MCM4: variants seen among roughly 807,000 people sequenced by gnomAD.
The protein encoded by MCM4 is minichromosome maintenance complex component 4, also known as DNA replication licensing factor MCM4.
In MCM4, 60 loss-of-function variants were observed where a neutral mutation model predicts 88.7. That is an observed-to-expected ratio of 0.68 (90% confidence interval 0.55 to 0.84). The LOEUF (loss-of-function observed/expected upper bound fraction) is 0.84, where lower values mean the gene tolerates loss of function less well. Among genes scored for constraint, MCM4 ranks in the 40% least tolerant of loss-of-function variants. The pLI, the probability that MCM4 is intolerant of heterozygous loss-of-function variation, is 0.00. For synonymous variants in MCM4, 465 were observed against 410.5 expected (o/e 1.13, Z -1.61); for missense variants, 1,149 against 1,105.5 (o/e 1.04, Z -0.56).
intron 8 of MCM4, 56 bp downstream of exon 8, chr8:47,964,768 T>G (rs2090883848): frequency 7.1e-7 from 1 of 1,401,802 alleles, no homozygotes; most frequent in Non-Finnish European, 9.6e-7. Context: ...TACATGAAAA[T>G]AGCCTTGTTT....
At chr8:47,968,344 C>T (rs555206022) in intron 10 of MCM4, among the ~76,000 whole-genome samples, 8 of 152,326 alleles carry the variant, frequency 5.3e-5, no homozygotes, top group African/African-American at 1.9e-4. Context: ...GGCAATCTTC[C>T]GTCGTAAAAG....
chr8:47,966,505 C>T (rs776545127), intron 9 of MCM4, 98 bp downstream of exon 9: 67 of 1,187,448 alleles, frequency 5.6e-5, no homozygotes, highest in Admixed American at 2.3e-4. Context: ...CCTCACTTCC[C>T]GAATGGCATC....
In MCM4 at chr8:47,970,836, T is replaced by C. The variant is rs1460671658; in HGVS notation, c.1760T>C (p.Leu587Ser). The C allele has an allele frequency of 6.2e-7, 1 of 1,609,202 alleles. No homozygotes were observed. The highest frequency in any genetic ancestry group is 1.7e-5 in the Admixed American group (1 of 59,870). ...DKMNESTRSV[L>S]HEVMEQQTLS... ...ATGAATGAAAGTACAAGATCGGTAT[T>C]GCATGAAGTCATGGAACAGCAGACT... Residue 587 changes from leucine (L) to serine (S), a missense_variant, in exon 12 of 17, where the codon TTG (leucine) becomes TCG (serine). Leu to Ser is a moderately radical substitution (Grantham distance 145). Coordinates refer to ENST00000649973, the MANE Select transcript of MCM4 (RefSeq NM_182746.3).
At position 47,977,729 on chromosome 8, in the gene MCM4, G is replaced by T. The variant is rs1237710434; in HGVS notation, c.*951G>T. 1 of 152,086 alleles carries T rather than the reference G, an allele frequency of 6.6e-6. No individual in the cohort carries two copies. The highest frequency in any genetic ancestry group is 2.4e-5 in the African/African-American group (1 of 41,400). The allele number at this position is 152,086 out of a possible 1,614,324, so 9.4% of individuals were successfully genotyped here. A position where few individuals can be genotyped will look rare whatever the true frequency, so the allele number is the denominator to read the frequency against. ...CCACCTCAACTTCCGGAAGTGCTGA[G>T]ATTACAGGTGTGAGCCACTGCACCC... On this transcript the variant is annotated 3_prime_UTR_variant, in exon 17 of 17. Transcript: ENST00000649973.
At position 47,962,927 on chromosome 8, in the gene MCM4, T is replaced by C. The variant is rs1589827958; in HGVS notation, c.598-18T>C. 3 of 1,573,128 alleles carry C rather than the reference T, an allele frequency of 1.9e-6. No individual in the cohort carries two copies. Among genetic ancestry groups the C allele is most frequent in the Non-Finnish European group, 2.6e-6 (3 of 1,156,014 alleles). ...AGTTAAATTAGCAAAATATAACTTG[T>C]TCATTTTTATTTTCTAGATTAATGT... On this transcript the variant is annotated intron_variant, in intron 6 of 16. Coordinates refer to ENST00000649973, the MANE Select transcript of MCM4 (RefSeq NM_182746.3).
intron 8 of MCM4, 40 bp from the exon 9 acceptor site, chr8:47,966,147 C>T (rs747950604): frequency 6.5e-7 from 1 of 1,536,552 alleles, no homozygotes; most frequent in Non-Finnish European, 9.0e-7. Flanking sequence ...GACCTCCACA[C>T]CTCAGGTCAG....
Position 47,966,403 on chromosome 8 carries a change from A to G in MCM4, c.1049A>G (p.Gln350Arg). The G allele has an allele frequency of 6.2e-7, 1 of 1,608,258 alleles. No individual in the cohort carries two copies. Among genetic ancestry groups the G allele is most frequent in the Non-Finnish European group, 8.5e-7 (1 of 1,176,606 alleles). Residue 350 changes from glutamine to arginine, a missense_variant, in exon 9 of 17, where the codon CAG becomes CGG. Gln to Arg is a conservative substitution (Grantham distance 43). Coordinates refer to ENST00000649973, the MANE Select transcript of MCM4 (RefSeq NM_182746.3). ...AACCGCTCCCTCTTCTCTGACAAGC[A>G]GATGGTGCGCAGCCACCCTGGCCCC... ...IHNRSLFSDK[Q>R]MIKLQESPED...
At chr8:47,975,873 T>A in intron 16 of MCM4, 25 bp downstream of exon 16, 19 of 1,447,456 alleles carry the variant, frequency 1.3e-5, no homozygotes, top group Non-Finnish European at 1.7e-5. Context: ...GTATTTTTTG[T>A]TTGATAGAGC....
intron 16 of MCM4, among the ~76,000 whole-genome samples, chr8:47,976,189 A>G (rs1321628080): frequency 6.6e-6 from 1 of 151,644 alleles, no homozygotes; most frequent in Non-Finnish European, 1.5e-5. Flanking sequence ...GCTACTCAGG[A>G]GGCTTAGGCA....
In MCM4 at chr8:47,971,435, A is replaced by G. The variant is rs1589832719; in HGVS notation, c.1895A>G (p.Glu632Gly). Reference sequence around the variant, plus strand: ...TGGAATCCTAAAAAAACAACCATTGAAAACATCCAGCTGCCTCATACTTTA... The same window carrying G: ...TGGAATCCTAAAAAAACAACCATTGGAAACATCCAGCTGCCTCATACTTTA... ...SQWNPKKTTI[E>G]NIQLPHTLLS... The change falls in exon 13 of 17, where the codon GAA (glutamate) becomes GGA (glycine). Residue 632 changes from glutamate to glycine, a missense_variant. Around this residue, in one of 3 missense-constraint regions of MCM4, gnomAD observed 906 missense variants for 843.0 expected, o/e 1.07. Transcript: ENST00000649973. 2 of 1,614,050 alleles carry G rather than the reference A, an allele frequency of 1.2e-6. No individual in the cohort carries two copies. The highest frequency in any genetic ancestry group is 1.7e-6 in the Non-Finnish European group (2 of 1,180,014).
Position 47,976,988 on chromosome 8 carries a change from G to A in MCM4, c.*210G>A, listed in dbSNP as rs773569603. 4.4e-5 allele frequency: 17 copies of A among 382,812 alleles called. No individual in the cohort carries two copies. The highest frequency in any genetic ancestry group is 2.9e-4 in the African/African-American group (14 of 48,286). The allele number at this position is 382,812 out of a possible 1,614,324, so 23.7% of individuals were successfully genotyped here. ...TATAAATAAAAATACTATGCTGGCC[G>A]GGCGCGGTGGCTCACACCTGTAATC... is the stretch of plus-strand genomic sequence containing the variant. On this transcript the variant is annotated 3_prime_UTR_variant, in exon 17 of 17. Coordinates refer to ENST00000649973, the MANE Select transcript of MCM4 (RefSeq NM_182746.3).
chr8:47,961,271 C>T (rs1043092170), intron 2 of MCM4, 57 bp downstream of exon 2: 30 of 1,432,228 alleles, frequency 2.1e-5, no homozygotes, highest in South Asian at 5.8e-5. Context: ...TCTGCCCTCT[C>T]GCCGCAGCTG....
rs143836714 is a variant in MCM4, at chr8:47,962,935, T to C, written c.598-10T>C. 362 of 1,582,414 alleles carry C rather than the reference T, an allele frequency of 2.3e-4. No individual in the cohort carries two copies. The African/African-American group carries it at 4.0e-3, about 18-fold the overall frequency. ...TAGCAAAATATAACTTGTTCATTTT[T>C]ATTTTCTAGATTAATGTTATTGGTG... On this transcript the variant is annotated splice_polypyrimidine_tract_variant and intron_variant, in intron 6 of 16. Transcript: ENST00000649973.
In MCM4 at chr8:47,962,949, A is replaced by T; in HGVS notation, c.602A>T (p.Asn201Ile). The T allele has an allele frequency of 6.3e-7, 1 of 1,593,594 alleles. No homozygotes were observed. Among genetic ancestry groups the T allele is most frequent in the East Asian group, 2.2e-5 (1 of 44,722 alleles). Reference protein sequence around the residue: ...PLYMQRLGEINVIGEPFLNVN... With the variant: ...PLYMQRLGEIIVIGEPFLNVN... ...TTGTTCATTTTTATTTTCTAGATTA[A>T]TGTTATTGGTGAGCCATTTTTAAAT... Residue 201 changes from asparagine to isoleucine, a missense_variant, in exon 7 of 17, where the codon AAT becomes ATT. Transcript: ENST00000649973.
chr8:47,969,941 CTT>C lies in MCM4; in HGVS notation c.1323_1324del (p.Ser442ArgfsTer8). ...CCTTGATGAAGAAGCAGAACAGAAA[CTT>C]TTTTCAGAGAAACGTGTGGAATTGC... ...HGLDEEAEQK[L>X]FSEKRVELLK... On this transcript the variant is annotated frameshift_variant, in exon 11 of 17. Transcript: ENST00000649973. LOFTEE classifies it high-confidence loss of function. 1 of 1,614,140 alleles carries C rather than the reference CTT, an allele frequency of 6.2e-7. No homozygotes were observed. Among genetic ancestry groups the C allele is most frequent in the African/African-American group, 1.3e-5 (1 of 75,020 alleles).
intron 10 of MCM4, chr8:47,969,487 A>G: frequency 3.1e-6 from 1 of 324,920 alleles, no homozygotes; most frequent in Non-Finnish European, 5.7e-6. Context: ...CGAACTCCCA[A>G]CCTCAGGTGA....
chr8:47,967,304 C>T, intron 9 of MCM4, 61 bp from the exon 10 acceptor site: 1 of 1,600,702 alleles, frequency 6.2e-7, no homozygotes, highest in Non-Finnish European at 8.5e-7. Context: ...CAAAGACATG[C>T]AGATTTTGTC....
chr8:47,972,384 G>A (rs2090961574), intron 13 of MCM4, among the ~76,000 whole-genome samples: 1 of 152,096 alleles, frequency 6.6e-6, no homozygotes, highest in African/African-American at 2.4e-5. Flanking sequence ...AGTGGGGTGA[G>A]TGGATGGACA....
In MCM4 at chr8:47,961,215, G is replaced by A; in HGVS notation, c.70+1G>A. ...GGAAGGGCCACCCCCGCCCAGACGC[G>A]TGAGTCCCCCGAGCCGGGCCCACTA... On this transcript the variant is annotated splice_donor_variant, in intron 2 of 16. Coordinates refer to ENST00000649973, the MANE Select transcript of MCM4 (RefSeq NM_182746.3). LOFTEE classifies it high-confidence loss of function. 1.3e-6 allele frequency: 2 copies of A among 1,511,192 alleles called. No homozygotes were observed. The highest frequency in any genetic ancestry group is 1.8e-6 in the Non-Finnish European group (2 of 1,137,752). The allele number at this position is 1,511,192 out of a possible 1,614,324, so 93.6% of individuals were successfully genotyped here. A position where few individuals can be genotyped will look rare whatever the true frequency, so the allele number is the denominator to read the frequency against.
Sources: gnomAD v4.1 joint callset for allele counts (sites outside exome capture counted in the v4.1 genomes callset) on GRCh38, gnomAD v4.1.1 for gene constraint, gnomAD v4.1.1 regional missense constraint, MANE v1.5 for transcripts, NCBI Gene and HGNC (gene_info 2026-07-23, HGNC 2026-07-21) for gene names.